The following CNST variants were observed in gnomAD, a reference collection of about 807,000 sequenced individuals.
CNST encodes the protein consortin, connexin sorting protein.
Under a neutral mutation model 72.4 loss-of-function variants are expected in CNST, and 39 were observed. The ratio of observed to expected loss-of-function variants is 0.54; its 90% CI spans 0.42 to 0.70. The LOEUF (loss-of-function observed/expected upper bound fraction) is 0.70, where lower values mean the gene tolerates loss of function less well. Ranked by LOEUF, CNST falls within the 30% of genes least tolerant of loss-of-function variation. The probability of loss-of-function intolerance (pLI) is 0.00; values close to 1 mark genes in which losing one functional copy is unlikely to be tolerated. For synonymous variants in CNST, 332 were observed against 320.1 expected, an observed-to-expected ratio of 1.04 and a Z score of -0.40; for missense variants, 871 against 868.5, an observed-to-expected ratio of 1.00 and a Z score of -0.04.
Position 246,591,506 on chromosome 1 carries a change from T to C in CNST, c.-51-6T>C, listed in dbSNP as rs1006707759. The C allele has an allele frequency of 4.2e-5, 67 of 1,586,580 alleles. 1 individual carries two copies. The highest frequency in any genetic ancestry group is 2.9e-4 in the South Asian group (25 of 87,372). On this transcript the variant is annotated splice_polypyrimidine_tract_variant and splice_region_variant and intron_variant, in intron 1 of 10. Coordinates refer to ENST00000366513, the MANE Select transcript of CNST (RefSeq NM_152609.3). ...TGAAGTAGCTTTTTTCTTTTTGTCA[T>C]TGTAGACATGGAAGGTCTTTAATGT...
intron 9 of CNST, 123 bp from the exon 10 acceptor site, chr1:246,660,076 C>T: frequency 2.8e-6 from 2 of 716,760 alleles, no homozygotes; most frequent in Non-Finnish European, 4.5e-6. Context: ...TTATTTTTTT[C>T]TATAGGAATT....
chr1:246,623,752 A>G (rs868395301), intron 3 of CNST, among the ~76,000 whole-genome samples: 1 of 150,946 alleles, frequency 6.6e-6, no homozygotes, highest in South Asian at 2.1e-4. Context: ...ACAGAGTGAG[A>G]CTCTGTCTCA....
intron 10 of CNST, among the ~76,000 whole-genome samples, chr1:246,663,654 T>G (rs1442928658): frequency 1.3e-5 from 2 of 151,896 alleles, no homozygotes; most frequent in African/African-American, 4.8e-5. Context: ...GCAGGAGAAT[T>G]GCTTGAACCC....
intron 1 of CNST, among the ~76,000 whole-genome samples, chr1:246,571,345 T>C (rs1231175012): frequency 6.6e-6 from 1 of 152,188 alleles, no homozygotes; most frequent in Non-Finnish European, 1.5e-5. Context: ...AGACAGGGTT[T>C]CACTATGTTG....
chr1:246,585,663 ATATAC>A (rs1480110434), intron 1 of CNST, among the ~76,000 whole-genome samples: 7 of 41,874 alleles, frequency 1.7e-4, no homozygotes, highest in Non-Finnish European at 3.1e-4. Context: ...AAAAAAAAAA[ATATAC>A]ACACACACAC....
rs747334742 is a variant in CNST at position 246,591,891 on chromosome 1, G to A, written c.329G>A (p.Gly110Glu). 2 of 1,613,724 alleles carry A rather than the reference G, an allele frequency of 1.2e-6. No homozygotes were observed. The highest frequency in any genetic ancestry group is 1.7e-6 in the Non-Finnish European group (2 of 1,179,906). Residue 110 changes from glycine (G) to glutamate (E), a missense_variant, in exon 2 of 11, where the codon GGA (glycine) becomes GAA (glutamate). Coordinates refer to ENST00000366513, the MANE Select transcript of CNST (RefSeq NM_152609.3). ...TTGGGAAAGGACAAAAAAATTCCTG[G>A]AAAAAGAAGTCCAAGAAGCAAAAAA... ...AFLGKDKKIP[G>E]KRSPRSKKGT...
intron 3 of CNST, among the ~76,000 whole-genome samples, chr1:246,631,581 A>C (rs1664776543): frequency 6.6e-6 from 1 of 152,208 alleles, no homozygotes; most frequent in Non-Finnish European, 1.5e-5. Context: ...GTAAGTCTCT[A>C]ACATTTTTCT....
intron 3 of CNST, among the ~76,000 whole-genome samples, chr1:246,623,669 G>A (rs2103081563): frequency 6.6e-6 from 1 of 152,200 alleles, no homozygotes; most frequent in East Asian, 1.9e-4. Flanking sequence ...GGCTGAGGCA[G>A]AAGAATTGCT....
intron 8 of CNST, among the ~76,000 whole-genome samples, chr1:246,646,614 G>A (rs1666091790): frequency 6.6e-6 from 1 of 152,080 alleles, no homozygotes; most frequent in African/African-American, 2.4e-5. Flanking sequence ...CCGAGTAGCT[G>A]GGATTACAGG....
At chr1:246,599,989 T>C (rs1169451175) in intron 2 of CNST, among the ~76,000 whole-genome samples, 2 of 152,160 alleles carry the variant, frequency 1.3e-5, no homozygotes, top group African/African-American at 2.4e-5. Context: ...GAGTCATAAG[T>C]AAGCACATGG....
chr1:246,591,906 G>T lies in CNST; in HGVS notation c.344G>T (p.Arg115Ile). Reference sequence around the variant, plus strand: ...AAAATTCCTGGAAAAAGAAGTCCAAGAAGCAAAAAAGGGACTGCTAAGAAG... The same window carrying T: ...AAAATTCCTGGAAAAAGAAGTCCAATAAGCAAAAAAGGGACTGCTAAGAAG... The part of the protein sequence containing the change: ...DKKIPGKRSP[R>I]SKKGTAKKIP... The change falls in exon 2 of 11, where the codon AGA becomes ATA. Residue 115 changes from arginine to isoleucine, a missense_variant. Coordinates refer to ENST00000366513, the MANE Select transcript of CNST (RefSeq NM_152609.3). 3 of 1,610,588 alleles carry T rather than the reference G, an allele frequency of 1.9e-6. No individual in the cohort carries two copies. The highest frequency in any genetic ancestry group is 2.5e-6 in the Non-Finnish European group (3 of 1,178,988).
At chr1:246,588,498 A>G (rs1224368471) in intron 1 of CNST, among the ~76,000 whole-genome samples, 1 of 152,206 alleles carries the variant, frequency 6.6e-6, no homozygotes, top group Non-Finnish European at 1.5e-5. Context: ...AGAATCCAGA[A>G]TGGAGTGATT....
intron 1 of CNST, among the ~76,000 whole-genome samples, chr1:246,567,703 A>T (rs193061577): frequency 6.6e-6 from 1 of 152,200 alleles, no homozygotes; most frequent in Non-Finnish European, 1.5e-5. Context: ...CATAGAAAAT[A>T]TCTCATCAAC....
chr1:246,618,502 G>A (rs1663842168), intron 2 of CNST, among the ~76,000 whole-genome samples: 2 of 152,122 alleles, frequency 1.3e-5, no homozygotes, highest in South Asian at 2.1e-4. Context: ...TTTTGCTAAC[G>A]TCTTCAGTGA....
chr1:246,628,232 C>T (rs1447678048), intron 3 of CNST, among the ~76,000 whole-genome samples: 1 of 152,102 alleles, frequency 6.6e-6, no homozygotes, highest in African/African-American at 2.4e-5. Flanking sequence ...TCTCTTTTGG[C>T]AACACCCTCA....
chr1:246,657,895 A>G (rs1666856006), intron 9 of CNST, among the ~76,000 whole-genome samples: 1 of 152,232 alleles, frequency 6.6e-6, no homozygotes, highest in Non-Finnish European at 1.5e-5. Flanking sequence ...TTATAGATGC[A>G]GAATTCATAT....
intron 1 of CNST, among the ~76,000 whole-genome samples, chr1:246,567,054 C>G (rs1424814354): frequency 7.0e-6 from 1 of 143,146 alleles, no homozygotes; most frequent in East Asian, 2.3e-4. Context: ...ACCTGGTCCC[C>G]CCCATCACTA....
chr1:246,645,740 C>T (rs1391209618), intron 8 of CNST, among the ~76,000 whole-genome samples: 1 of 152,004 alleles, frequency 6.6e-6, no homozygotes, highest in East Asian at 1.9e-4. Context: ...AAGGTTAAAG[C>T]TTCTAAAATA....
rs538930665 is a variant in CNST, at chr1:246,667,000, A to G, written c.*1095A>G. 3.3e-4 allele frequency: 50 copies of G among 152,192 alleles called. 1 individual carries two copies. The highest frequency in any genetic ancestry group is 1.1e-3 in the African/African-American group (46 of 41,532). 9.4% of individuals were successfully genotyped at this position (152,192 alleles called of 1,614,324 possible). A position where few individuals can be genotyped will look rare whatever the true frequency, so the allele number is the denominator to read the frequency against. On this transcript the variant is annotated 3_prime_UTR_variant, in exon 11 of 11. Coordinates refer to ENST00000366513, the MANE Select transcript of CNST (RefSeq NM_152609.3). ...TGCGGGGTCATTACGCAAAAATTCA[A>G]TCATACCTTCCATAGACAAATGTCT...
Sources: allele counts gnomAD v4.1 joint callset (sites outside exome capture counted in the v4.1 genomes callset), GRCh38; gene constraint gnomAD v4.1.1; transcripts MANE v1.5; gene names NCBI Gene and HGNC (gene_info 2026-07-23, HGNC 2026-07-21).